The following ASIC2 variants were observed in gnomAD, a reference collection of about 807,000 sequenced individuals.
The protein encoded by ASIC2 is acid sensing ion channel subunit 2, also known as acid-sensing ion channel 2.
Under a neutral mutation model 57.3 loss-of-function variants are expected in ASIC2, and 25 were observed. The ratio of observed to expected loss-of-function variants is 0.44; its 90% CI spans 0.32 to 0.61. The LOEUF is 0.61. ASIC2 is among the 20% of genes least tolerant of loss of function. ASIC2 has a pLI of 0.06. For missense variants in ASIC2, 641 were observed against 738.1 expected, an observed-to-expected ratio of 0.87 and a Z score of 1.52; for synonymous variants, 319 against 307.5, an observed-to-expected ratio of 1.04 and a Z score of -0.39.
chr17:33,867,369 A>G (rs947794095), intron 1 of ASIC2, among the ~76,000 whole-genome samples: 4 of 152,184 alleles, frequency 2.6e-5, no homozygotes, highest in Non-Finnish European at 5.9e-5. Flanking sequence ...AATTTTCACA[A>G]TAACTAGATA....
intron 1 of ASIC2, among the ~76,000 whole-genome samples, chr17:33,133,171 G>A (rs1010699908): frequency 2.6e-5 from 4 of 152,338 alleles, no homozygotes; most frequent in African/African-American, 9.6e-5. Flanking sequence ...TGGAAGAGGT[G>A]AGATTTTCAG....
chr17:33,226,553 C>T (rs1312463790), intron 1 of ASIC2, among the ~76,000 whole-genome samples: 4 of 152,144 alleles, frequency 2.6e-5, no homozygotes, highest in Admixed American at 1.3e-4. Context: ...CTCTTCTTGA[C>T]CCCCCAGTCA....
At chr17:33,123,133 C>A (rs1249814444) in intron 1 of ASIC2, among the ~76,000 whole-genome samples, 1 of 152,186 alleles carries the variant, frequency 6.6e-6, no homozygotes, top group African/African-American at 2.4e-5. Context: ...AGTAATCCCA[C>A]TTTTGGGTTT....
chr17:33,086,141 C>T (rs747575179), intron 3 of ASIC2, among the ~76,000 whole-genome samples: 1 of 152,074 alleles, frequency 6.6e-6, no homozygotes, highest in Non-Finnish European at 1.5e-5. Context: ...CCCACCCAGC[C>T]CAGAAATTTC....
chr17:34,098,513 T>C (rs977581187), intron 1 of ASIC2, among the ~76,000 whole-genome samples: 1 of 152,156 alleles, frequency 6.6e-6, no homozygotes, highest in African/African-American at 2.4e-5. Context: ...TGAGGGCGAA[T>C]GTGCTCAGGG....
At position 33,945,990 on chromosome 17, in the gene ASIC2, C is replaced by G. The variant is rs371903356; in HGVS notation, c.555+209988G>C. 5.3e-5 allele frequency among the ~76,000 whole-genome samples: 8 copies of G among 152,306 alleles called. No individual in the cohort carries two copies. In the East Asian group the frequency reaches 1.2e-3, roughly 22 times the overall value. On this transcript the variant is annotated intron_variant, in intron 1 of 9. Transcript: ENST00000359872. ...TGCTTAGGAGGCATCCTCCAGCATGCAAGATGAAAGTCAGAGACCATCAGA... is the reference window on the plus strand; with the variant it reads ...TGCTTAGGAGGCATCCTCCAGCATGGAAGATGAAAGTCAGAGACCATCAGA...
intron 1 of ASIC2, among the ~76,000 whole-genome samples, chr17:34,063,916 G>C (rs1020604257): frequency 2.6e-5 from 4 of 152,056 alleles, no homozygotes; most frequent in African/African-American, 9.7e-5. Flanking sequence ...CTCATGGATG[G>C]GTAGAATCAA....
intron 1 of ASIC2, among the ~76,000 whole-genome samples, chr17:33,449,104 A>C (rs1308018700): frequency 6.6e-6 from 1 of 152,112 alleles, no homozygotes; most frequent in Non-Finnish European, 1.5e-5. Context: ...GAATGCCACT[A>C]TTTTTCTCCT....
chr17:33,689,080 T>A (rs1470222364), intron 1 of ASIC2: 1 of 152,146 alleles, frequency 6.6e-6, no homozygotes, highest in African/African-American at 2.4e-5. Flanking sequence ...GATCTCAGAG[T>A]GCGAAGATAA....
chr17:34,028,164 C>A (rs575635493), intron 1 of ASIC2, among the ~76,000 whole-genome samples: 1 of 151,976 alleles, frequency 6.6e-6, no homozygotes, highest in Non-Finnish European at 1.5e-5. Context: ...CCCCATGATA[C>A]AATCCATTGC....
chr17:33,579,320 C>T (rs962868873), intron 1 of ASIC2, among the ~76,000 whole-genome samples: 64 of 148,366 alleles, frequency 4.3e-4, no homozygotes, highest in African/African-American at 1.6e-3. Flanking sequence ...GTGGGTGACT[C>T]AGATGTTGGC....
chr17:33,699,963 T>C (rs1053404692), intron 1 of ASIC2, among the ~76,000 whole-genome samples: 1 of 151,902 alleles, frequency 6.6e-6, no homozygotes, highest in African/African-American at 2.4e-5. Flanking sequence ...CGTAAATATA[T>C]TTTTAATAGT....
chr17:33,264,256 C>T (rs766060010), intron 1 of ASIC2, among the ~76,000 whole-genome samples: 1 of 152,220 alleles, frequency 6.6e-6, no homozygotes, highest in Non-Finnish European at 1.5e-5. Flanking sequence ...ACTTCCATGG[C>T]AGCTCTTACA....
At chr17:33,256,239 T>C (rs1165580379) in intron 1 of ASIC2, among the ~76,000 whole-genome samples, 2 of 152,160 alleles carry the variant, frequency 1.3e-5, no homozygotes, top group African/African-American at 2.4e-5. Context: ...TAAGGGCTTG[T>C]TACAGAGCAA....
intron 1 of ASIC2, among the ~76,000 whole-genome samples, chr17:33,236,576 A>G (rs1239415046): frequency 1.3e-5 from 2 of 151,612 alleles, no homozygotes; most frequent in Non-Finnish European, 2.9e-5. Context: ...CCTGGGCCCA[A>G]GTGATCCGCC....
intron 1 of ASIC2, among the ~76,000 whole-genome samples, chr17:33,250,978 T>C (rs530381281): frequency 1.3e-5 from 2 of 152,374 alleles, no homozygotes; most frequent in South Asian, 4.1e-4. Context: ...ATTTTAAACC[T>C]GCAGATAGCA....
chr17:33,518,427 C>A (rs1010469838), intron 1 of ASIC2, among the ~76,000 whole-genome samples: 2 of 152,202 alleles, frequency 1.3e-5, no homozygotes, highest in African/African-American at 4.8e-5. Flanking sequence ...TCAGCTGGAG[C>A]TGACTTCCTG....
At chr17:33,780,983 C>T (rs1453434739) in intron 1 of ASIC2, among the ~76,000 whole-genome samples, 1 of 152,142 alleles carries the variant, frequency 6.6e-6, no homozygotes. Flanking sequence ...CAGCTTGGCA[C>T]AGGGCCGGGC....
chr17:33,350,084 G>T (rs1332597293), intron 1 of ASIC2, among the ~76,000 whole-genome samples: 1 of 152,200 alleles, frequency 6.6e-6, no homozygotes, highest in African/African-American at 2.4e-5. Flanking sequence ...TGTCTTATCG[G>T]TTCTTCACAG....
Sources: gnomAD v4.1 joint callset for allele counts (sites outside exome capture counted in the v4.1 genomes callset) on GRCh38, gnomAD v4.1.1 for gene constraint, MANE v1.5 for transcripts, NCBI Gene and HGNC (gene_info 2026-07-23, HGNC 2026-07-21) for gene names.